The following SRGAP2 variants were observed in gnomAD, a reference collection of about 807,000 sequenced individuals.
SRGAP2 encodes SLIT-ROBO Rho GTPase activating protein 2, also known as SLIT-ROBO Rho GTPase-activating protein 2.
In SRGAP2, 15 loss-of-function variants were observed where a neutral mutation model predicts 57.2. The observed-to-expected ratio is 0.26, with a 90% confidence interval of 0.18 to 0.40. SRGAP2 has a LOEUF of 0.40. Among genes scored for constraint, SRGAP2 ranks in the 10% least tolerant of loss-of-function variants. The probability of loss-of-function intolerance (pLI) is 1.00; values close to 1 mark genes in which losing one functional copy is unlikely to be tolerated. For missense variants in SRGAP2, 520 were observed against 669.6 expected, an observed-to-expected ratio of 0.78 and a Z score of 2.47; for synonymous variants, 249 against 248.0, an observed-to-expected ratio of 1.00 and a Z score of -0.04.
chr1:206,260,632 G>A (rs1468496850), intron 2 of SRGAP2, among the ~76,000 whole-genome samples: 1 of 152,198 alleles, frequency 6.6e-6, no homozygotes, highest in Non-Finnish European at 1.5e-5. Context: ...ATGTCTTGGG[G>A]ATCTTTCCTT....
In SRGAP2 at chr1:206,419,375, C is replaced by A; in HGVS notation, c.1444C>A (p.Gln482Lys). The A allele has an allele frequency of 1.3e-6, 1 of 780,782 alleles. No homozygotes were observed. Among genetic ancestry groups the A allele is most frequent in the South Asian group, 1.3e-5 (1 of 74,590 alleles). 48.4% of individuals were successfully genotyped at this position (780,782 alleles called of 1,614,324 possible). The change falls in exon 12 of 23, where the codon CAG (glutamine) becomes AAG (lysine). Residue 482 changes from glutamine (Q) to lysine (K), a missense_variant and splice_region_variant. This residue lies in a region of SRGAP2 where 478 missense variants were observed against 373.6 expected (regional missense o/e 1.28). Coordinates refer to ENST00000573034, the MANE Select transcript of SRGAP2 (RefSeq NM_015326.5). ...DLLQKTLGESQRTDCSLARRS... is the reference protein window; with the variant it reads ...DLLQKTLGESKRTDCSLARRS... The stretch of plus-strand genomic sequence containing the variant: ...TTTTGCCTTTGTGTTTCCAACAGGT[C>A]AGCGGACAGATTGCAGTCTAGCCAG...
At chr1:206,359,951 C>T (rs1316100208) in intron 4 of SRGAP2, among the ~76,000 whole-genome samples, 6 of 149,514 alleles carry the variant, frequency 4.0e-5, no homozygotes, top group South Asian at 2.1e-4. Flanking sequence ...GGACTACAGG[C>T]GCCCGCCACT....
chr1:206,244,342 C>A (rs1668413688), intron 2 of SRGAP2, among the ~76,000 whole-genome samples: 1 of 91,096 alleles, frequency 1.1e-5, no homozygotes, highest in Non-Finnish European at 2.2e-5. Context: ...CAGCTCACTG[C>A]AACCTCTGCC....
Position 206,458,726 on chromosome 1 carries a change from G to A in SRGAP2, c.2611G>A (p.Ala871Thr). The change falls in exon 22 of 23, where the codon GCT (alanine) becomes ACT (threonine). Residue 871 changes from alanine to threonine, a missense_variant. Around this residue, in one of 5 missense-constraint regions of SRGAP2, gnomAD observed 478 missense variants for 373.6 expected, o/e 1.28. Coordinates refer to ENST00000573034, the MANE Select transcript of SRGAP2 (RefSeq NM_015326.5). Reference sequence around the variant, plus strand: ...TGACTCCTCCTCCCCAGGGGTGGGGGCTAGCTGCCGCCCATCCTCCCAGCC... The same window carrying A: ...TGACTCCTCCTCCCCAGGGGTGGGGACTAGCTGCCGCCCATCCTCCCAGCC... Reference protein sequence around the residue: ...LTDSSSPGVGASCRPSSQPIM... With the variant: ...LTDSSSPGVGTSCRPSSQPIM... The A allele has an allele frequency of 1.3e-6, 1 of 780,456 alleles. No individual in the cohort carries two copies. Among genetic ancestry groups the A allele is most frequent in the Non-Finnish European group, 2.4e-6 (1 of 417,836 alleles). 48.3% of individuals were successfully genotyped at this position (780,456 alleles called of 1,614,324 possible).
intron 21 of SRGAP2, chr1:206,455,346 TA>T (rs1663740278): frequency 2.7e-6 from 1 of 364,386 alleles, no homozygotes; most frequent in Non-Finnish European, 5.1e-6. Context: ...TTGGTCACTT[TA>T]TGCAACCTGG....
At chr1:206,334,787 C>G (rs1307774023) in intron 3 of SRGAP2, among the ~76,000 whole-genome samples, 8 of 151,602 alleles carry the variant, frequency 5.3e-5, no homozygotes, top group Non-Finnish European at 1.2e-4. Context: ...GTGAGCCAGA[C>G]TGTCTGCCTC....
chr1:206,309,682 C>G (rs1216390675), intron 3 of SRGAP2, among the ~76,000 whole-genome samples: 1 of 151,858 alleles, frequency 6.6e-6, no homozygotes, highest in Non-Finnish European at 1.5e-5. Flanking sequence ...AATGGTGATC[C>G]TACTTTGAAC....
chr1:206,436,287 A>G (rs2103314646), intron 14 of SRGAP2, among the ~76,000 whole-genome samples: 1 of 152,166 alleles, frequency 6.6e-6, no homozygotes, highest in South Asian at 2.1e-4. Context: ...CTAAAGCAAT[A>G]TTATAATCTC....
intron 10 of SRGAP2, among the ~76,000 whole-genome samples, chr1:206,414,857 T>C (rs1659547976): frequency 6.6e-6 from 1 of 152,236 alleles, no homozygotes. Flanking sequence ...GGTGAAGTGC[T>C]CTAAAACCTG....
chr1:206,311,241 G>A (rs1672617488), intron 3 of SRGAP2, among the ~76,000 whole-genome samples: 1 of 152,054 alleles, frequency 6.6e-6, no homozygotes, highest in Non-Finnish European at 1.5e-5. Context: ...TATAGAAGAA[G>A]GGGAAATATT....
intron 2 of SRGAP2, among the ~76,000 whole-genome samples, chr1:206,289,581 TG>T (rs1386272171): frequency 2.7e-5 from 4 of 150,548 alleles, no homozygotes; most frequent in Non-Finnish European, 5.9e-5. Context: ...CCAGCTGGAC[TG>T]TTTTTTTTTT....
intron 2 of SRGAP2, among the ~76,000 whole-genome samples, chr1:206,283,343 CTT>C (rs1670836761): frequency 6.6e-6 from 1 of 150,990 alleles, no homozygotes; most frequent in South Asian, 2.1e-4. Context: ...ACTAAAAAGA[CTT>C]TTATATTAGA....
At chr1:206,260,055 A>C in intron 2 of SRGAP2, among the ~76,000 whole-genome samples, 1 of 54,222 alleles carries the variant, frequency 1.8e-5, no homozygotes, top group African/African-American at 7.2e-5. Flanking sequence ...CCGCTCTTCC[A>C]CCCCCCTCAT....
At chr1:206,413,390 C>T (rs1659385770) in intron 10 of SRGAP2, among the ~76,000 whole-genome samples, 1 of 152,112 alleles carries the variant, frequency 6.6e-6, no homozygotes, top group Admixed American at 6.6e-5. Flanking sequence ...TTGGATATTA[C>T]CCCGGGAAGA....
At chr1:206,277,976 CA>C (rs1355105445) in intron 2 of SRGAP2, among the ~76,000 whole-genome samples, 1,809 of 124,126 alleles carry the variant, frequency 0.015, 27 homozygotes, top group African/African-American at 0.048. Context: ...GAGACTGTCT[CA>C]AAAAAAAAAA....
intron 12 of SRGAP2, among the ~76,000 whole-genome samples, chr1:206,420,039 G>A (rs1367852608): frequency 6.6e-6 from 1 of 152,070 alleles, no homozygotes; most frequent in Non-Finnish European, 1.5e-5. Context: ...AAATTTGTGA[G>A]CTGTCGGAGA....
chr1:206,452,249 T>C (rs1356655633), intron 19 of SRGAP2, among the ~76,000 whole-genome samples: 1 of 152,192 alleles, frequency 6.6e-6, no homozygotes, highest in Non-Finnish European at 1.5e-5. Flanking sequence ...TAGATTGCAT[T>C]CGTAGACCCC....
At chr1:206,418,943 C>G (rs187388599) in intron 11 of SRGAP2, among the ~76,000 whole-genome samples, 4 of 144,242 alleles carry the variant, frequency 2.8e-5, no homozygotes, top group Non-Finnish European at 6.2e-5. Context: ...TGTGTATACT[C>G]AGGAGCAAGT....
intron 13 of SRGAP2, among the ~76,000 whole-genome samples, chr1:206,425,067 T>C (rs1572120950): frequency 6.6e-6 from 1 of 152,210 alleles, no homozygotes; most frequent in East Asian, 1.9e-4. Context: ...ACCACTGATA[T>C]TCCATTTCCT....
Sources: gnomAD v4.1 joint callset for allele counts (sites outside exome capture counted in the v4.1 genomes callset) on GRCh38, gnomAD v4.1.1 for gene constraint, gnomAD v4.1.1 regional missense constraint, MANE v1.5 for transcripts, NCBI Gene and HGNC (gene_info 2026-07-23, HGNC 2026-07-21) for gene names.